The following AVL9 variants were observed in gnomAD, a reference collection of about 807,000 sequenced individuals.
The protein encoded by AVL9 is AVL9 cell migration associated.
Under a neutral mutation model 79.2 loss-of-function variants are expected in AVL9, and 49 were observed. That is an observed-to-expected ratio of 0.62 (90% CI 0.49 to 0.79). The LOEUF is 0.79. Among genes scored for constraint, AVL9 ranks in the 30% least tolerant of loss-of-function variants. The pLI is 0.00. For synonymous variants in AVL9, 299 were observed against 280.6 expected (o/e 1.07, Z -0.65); for missense variants, 682 against 776.8 (o/e 0.88, Z 1.45).
At chr7:32,535,290 C>G (rs955193212) in intron 1 of AVL9, 1 of 152,144 alleles carries the variant, frequency 6.6e-6, no homozygotes, top group African/African-American at 2.4e-5. Context: ...TTCATCAGCT[C>G]CAACAGACCA....
chr7:32,495,565 C>A lies in AVL9; in HGVS notation c.-145C>A. On this transcript the variant is annotated 5_prime_UTR_variant, in exon 1 of 16. Transcript: ENST00000318709. ...GTGGCCCTGGGGGCGGCGGGAGCTG[C>A]TTTGCCTCCACCGATCTCCCTGTGC... 2.2e-6 allele frequency: 1 copy of A among 453,340 alleles called. No homozygotes were observed. The highest frequency in any genetic ancestry group is 3.8e-6 in the Non-Finnish European group (1 of 266,448). The allele number at this position is 453,340 out of a possible 1,614,324, so 28.1% of individuals were successfully genotyped here.
Position 32,509,624 on chromosome 7 carries a change from C to T in AVL9, c.93+13822C>T, listed in dbSNP as rs67353579. 3.3e-5 allele frequency among the ~76,000 whole-genome samples: 5 copies of T among 152,030 alleles called. No individual in the cohort carries two copies. The South Asian group carries it at 1.0e-3, about 32-fold the overall frequency. ...GAACAGACTGTCTTGGCCGGGCGGGCGGATCACTTGAGGTCAGGAGTTTGA... is the reference window on the plus strand; with the variant it reads ...GAACAGACTGTCTTGGCCGGGCGGGTGGATCACTTGAGGTCAGGAGTTTGA... On this transcript the variant is annotated intron_variant, in intron 1 of 15. Coordinates refer to ENST00000318709, the MANE Select transcript of AVL9 (RefSeq NM_015060.3).
At chr7:32,528,540 C>T (rs1005733286) in intron 1 of AVL9, among the ~76,000 whole-genome samples, 1 of 152,170 alleles carries the variant, frequency 6.6e-6, no homozygotes, top group African/African-American at 2.4e-5. Flanking sequence ...TACAGGCCCT[C>T]TTCACCAACC....
chr7:32,563,668 A>G (rs1003005064), intron 10 of AVL9, among the ~76,000 whole-genome samples: 1 of 151,970 alleles, frequency 6.6e-6, no homozygotes, highest in Admixed American at 6.6e-5. Flanking sequence ...ATGAAGTGGT[A>G]TTCCACTTTT....
Position 32,587,790 on chromosome 7 carries a change from T to C in AVL9, c.*3883T>C, listed in dbSNP as rs907233608. ...TGAGGAGTTTTCTCATTCCAGTTCT[T>C]TGGACTTCGTAACATTGGAATTGTT... On this transcript the variant is annotated 3_prime_UTR_variant, in exon 16 of 16. Transcript: ENST00000318709. 6.6e-6 allele frequency: 1 copy of C among 152,208 alleles called. No homozygotes were observed. The highest frequency in any genetic ancestry group is 1.5e-5 in the Non-Finnish European group (1 of 68,036). The allele number at this position is 152,208 out of a possible 1,614,324, so 9.4% of individuals were successfully genotyped here.
intron 10 of AVL9, among the ~76,000 whole-genome samples, chr7:32,569,549 T>C (rs1001557871): frequency 1.3e-5 from 2 of 152,238 alleles, no homozygotes; most frequent in African/African-American, 4.8e-5. Context: ...ATTTTTAACA[T>C]AGGACGGTAT....
At chr7:32,500,103 T>C (rs1161834511) in intron 1 of AVL9, among the ~76,000 whole-genome samples, 1 of 152,236 alleles carries the variant, frequency 6.6e-6, no homozygotes, top group Non-Finnish European at 1.5e-5. Context: ...CCTTCGGGTA[T>C]ATACCCAGTA....
intron 1 of AVL9, chr7:32,535,615 CAAAT>C (rs1263242694): frequency 6.6e-6 from 1 of 152,180 alleles, no homozygotes; most frequent in Non-Finnish European, 1.5e-5. Context: ...GTTCTTTGCT[CAAAT>C]AAACTGTTAA....
chr7:32,557,509 A>G (rs1489736447), intron 8 of AVL9, among the ~76,000 whole-genome samples: 1 of 152,180 alleles, frequency 6.6e-6, no homozygotes, highest in East Asian at 1.9e-4. Context: ...AATCAAGACT[A>G]GTGTTCTAGG....
At chr7:32,516,311 T>C (rs909898899) in intron 1 of AVL9, among the ~76,000 whole-genome samples, 1 of 152,080 alleles carries the variant, frequency 6.6e-6, no homozygotes, top group Non-Finnish European at 1.5e-5. Flanking sequence ...ACCTAGGAAG[T>C]TGTTTAGGAT....
At chr7:32,571,230 A>C (rs1342179008) in intron 11 of AVL9, among the ~76,000 whole-genome samples, 2 of 68,870 alleles carry the variant, frequency 2.9e-5, no homozygotes, top group East Asian at 3.3e-4. Flanking sequence ...ACCCTGTCTC[A>C]AAAAAAAAAA....
At chr7:32,568,239 C>T (rs555576168) in intron 10 of AVL9, among the ~76,000 whole-genome samples, 16 of 148,792 alleles carry the variant, frequency 1.1e-4, no homozygotes, top group Non-Finnish European at 1.6e-4. Flanking sequence ...CTTACTCTGT[C>T]GCCCAGGCTG....
intron 10 of AVL9, 105 bp from the exon 11 acceptor site, chr7:32,569,915 C>A: frequency 9.1e-7 from 1 of 1,095,350 alleles, no homozygotes; most frequent in Non-Finnish European, 1.3e-6. Context: ...ACAGACAGGG[C>A]AAGGAAGAAT....
intron 1 of AVL9, chr7:32,534,359 A>G (rs573100515): frequency 8.0e-5 from 12 of 149,298 alleles, no homozygotes; most frequent in Non-Finnish European, 1.3e-4. Context: ...TTTTTTATGC[A>G]TTGCATGTAT....
At chr7:32,534,363 C>T (rs7787166) in intron 1 of AVL9, 144,087 of 152,166 alleles carry the variant, frequency 0.95, 68,701 homozygotes, top group East Asian at 1. Context: ...TTATGCATTG[C>T]ATGTATTAAT....
intron 1 of AVL9, among the ~76,000 whole-genome samples, chr7:32,524,200 T>C (rs1156718865): frequency 2.0e-5 from 3 of 152,064 alleles, no homozygotes; most frequent in Admixed American, 2.0e-4. Context: ...TAGTTGTGAC[T>C]CCTTTACCTG....
intron 3 of AVL9, 24 bp downstream of exon 3, chr7:32,544,803 C>G: frequency 6.4e-7 from 1 of 1,569,008 alleles, no homozygotes; most frequent in Non-Finnish European, 8.8e-7. Flanking sequence ...TAGTGAAAAA[C>G]AATTCCAAAG....
At chr7:32,573,170 ACTCT>A in intron 11 of AVL9, 25 bp from the exon 12 acceptor site, 1 of 1,590,552 alleles carries the variant, frequency 6.3e-7, no homozygotes, top group Non-Finnish European at 8.6e-7. Context: ...GAATGCCCAG[ACTCT>A]GACTTGTACC....
chr7:32,557,143 A>AC (rs57438307), intron 8 of AVL9, among the ~76,000 whole-genome samples: 127,556 of 152,174 alleles, frequency 0.84, 53,515 homozygotes, highest in Middle Eastern at 0.88. Flanking sequence ...AATCTGACAT[A>AC]AGTCCATTTT....
Sources: gnomAD v4.1 joint callset for allele counts (sites outside exome capture counted in the v4.1 genomes callset) on GRCh38, gnomAD v4.1.1 for gene constraint, MANE v1.5 for transcripts, NCBI Gene and HGNC (gene_info 2026-07-23, HGNC 2026-07-21) for gene names.